The following MYO10 variants were observed in gnomAD, a reference collection of about 807,000 sequenced individuals.
The protein encoded by MYO10 is unconventional myosin-X.
MYO10 carries 133 observed loss-of-function variants against 257.3 expected under a neutral mutation model. The ratio of observed to expected loss-of-function variants is 0.52; its 90% CI spans 0.45 to 0.60. The LOEUF (loss-of-function observed/expected upper bound fraction) is 0.60, where lower values mean the gene tolerates loss of function less well. MYO10 is among the 20% of genes least tolerant of loss of function. MYO10 has a pLI of 0.00. For missense variants in MYO10, 2,399 were observed against 2,635.7 expected (o/e 0.91, Z 1.97); for synonymous variants, 1,104 against 1,028.6 (o/e 1.07, Z -1.40).
intron 3 of MYO10, among the ~76,000 whole-genome samples, chr5:16,801,629 A>G (rs1742123961): frequency 6.6e-6 from 1 of 152,214 alleles, no homozygotes; most frequent in Admixed American, 6.5e-5. Context: ...AAAAATTCAT[A>G]CTCTACAAAA....
At chr5:16,684,171 T>A (rs1445120667) in intron 29 of MYO10, among the ~76,000 whole-genome samples, 1 of 152,244 alleles carries the variant, frequency 6.6e-6, no homozygotes, top group Admixed American at 6.5e-5. Context: ...TCATTACCTC[T>A]TAACCTTTCA....
rs1560988188 is a variant in MYO10, at chr5:16,794,388, A to ATTTT, written c.467+257_467+258insAAAA. ...AAGGCAAATAAATGTTGCTTTAAAA[A>ATTTT]AAAAAAAAAAAAAAAGGAACAGAAT... On this transcript the variant is annotated intron_variant, in intron 4 of 40. Transcript: ENST00000513610. Among the ~76,000 whole-genome samples, 26 of 149,454 alleles carry ATTTT rather than the reference A, an allele frequency of 1.7e-4. 1 individual carries two copies. The East Asian group carries it at 5.0e-3, about 29-fold the overall frequency.
Position 16,769,208 on chromosome 5 carries a change from A to C in MYO10, c.931-5T>G, listed in dbSNP as rs1245808019. 2 of 1,593,540 alleles carry C rather than the reference A, an allele frequency of 1.3e-6. No individual in the cohort carries two copies. The highest frequency in any genetic ancestry group is 1.7e-6 in the Non-Finnish European group (2 of 1,173,000). ...CTGCATCACGTCCATTGCCGTCTAG[A>C]AGAAAATAAATGTATTTAATTTTAT... On this transcript the variant is annotated splice_region_variant and splice_polypyrimidine_tract_variant and intron_variant, in intron 9 of 40. Coordinates refer to ENST00000513610, the MANE Select transcript of MYO10 (RefSeq NM_012334.3).
At chr5:16,695,152 G>A (rs1453947408) in intron 26 of MYO10, among the ~76,000 whole-genome samples, 2 of 152,094 alleles carry the variant, frequency 1.3e-5, no homozygotes, top group Admixed American at 1.3e-4. Context: ...TGGCCAACAC[G>A]GTAAAACCCT....
intron 28 of MYO10, among the ~76,000 whole-genome samples, chr5:16,687,003 T>G (rs1737282957): frequency 6.6e-6 from 1 of 151,938 alleles, no homozygotes; most frequent in Non-Finnish European, 1.5e-5. Flanking sequence ...TACTCTCACA[T>G]CCAACCTCAT....
intron 2 of MYO10, among the ~76,000 whole-genome samples, chr5:16,857,048 A>G (rs1196009958): frequency 6.6e-6 from 1 of 152,232 alleles, no homozygotes; most frequent in Non-Finnish European, 1.5e-5. Context: ...TAGGCATTAT[A>G]TGTGTCAATT....
intron 3 of MYO10, among the ~76,000 whole-genome samples, chr5:16,813,140 G>A (rs76830301): frequency 6.6e-6 from 1 of 152,036 alleles, no homozygotes; most frequent in African/African-American, 2.4e-5. Context: ...TGACAGCTCA[G>A]AACAGAAAGT....
At chr5:16,742,480 C>T (rs16869073) in intron 19 of MYO10, among the ~76,000 whole-genome samples, 15,062 of 152,106 alleles carry the variant, frequency 0.099, 2,486 homozygotes, top group African/African-American at 0.34. Context: ...AATGGGTGCT[C>T]CAGGTGCAGG....
At chr5:16,871,198 G>C (rs17707888) in intron 2 of MYO10, among the ~76,000 whole-genome samples, 9,399 of 152,114 alleles carry the variant, frequency 0.062, 352 homozygotes, top group South Asian at 0.17. Context: ...CCTCCTCTCA[G>C]AAATACCAAT....
chr5:16,694,376 C>T lies in MYO10; in HGVS notation c.3795G>A (p.Thr1265=), dbSNP rs994879966. The T allele has an allele frequency of 3.7e-6, 6 of 1,614,002 alleles. No homozygotes were observed. The highest frequency in any genetic ancestry group is 1.7e-4 in the Middle Eastern group (1 of 6,060). The part of the protein sequence containing the change: ...EKLKGTVEVR[T]AKEIIDNTTK... ...AGCCAGGCTTAGCAACCTACTTTGC[C>T]GTTCGCACTTCTACGGTGCCCTTGA... is the stretch of plus-strand genomic sequence containing the variant. Residue 1265 remains threonine (T), a synonymous_variant, in exon 27 of 41, where the codon ACG becomes ACA. Coordinates refer to ENST00000513610, the MANE Select transcript of MYO10 (RefSeq NM_012334.3).
intron 2 of MYO10, among the ~76,000 whole-genome samples, chr5:16,866,297 C>G (rs1161738920): frequency 6.6e-6 from 1 of 152,146 alleles, no homozygotes; most frequent in Non-Finnish European, 1.5e-5. Flanking sequence ...CGCTTTGCCT[C>G]TCAACTGGAC....
intron 2 of MYO10, among the ~76,000 whole-genome samples, chr5:16,819,646 A>C (rs1742739520): frequency 6.6e-6 from 1 of 152,126 alleles, no homozygotes; most frequent in South Asian, 2.1e-4. Flanking sequence ...ACACAAAACA[A>C]TTTTCTGCAA....
chr5:16,804,180 C>T (rs1742202801), intron 3 of MYO10, among the ~76,000 whole-genome samples: 1 of 152,242 alleles, frequency 6.6e-6, no homozygotes, highest in South Asian at 2.1e-4. Context: ...ATCACCATGG[C>T]TGACGTCTCC....
At chr5:16,722,438 CTAATA>C (rs1739188272) in intron 19 of MYO10, among the ~76,000 whole-genome samples, 1 of 152,306 alleles carries the variant, frequency 6.6e-6, no homozygotes, top group African/African-American at 2.4e-5. Context: ...ACAGCTGTTT[CTAATA>C]TATTTGTTTA....
intron 10 of MYO10, among the ~76,000 whole-genome samples, chr5:16,768,503 C>G (rs1041163277): frequency 1.3e-5 from 2 of 152,050 alleles, no homozygotes; most frequent in Admixed American, 1.3e-4. Context: ...TTTCCACGTA[C>G]TTGACTCATT....
chr5:16,702,013 C>T (rs1031566112), intron 24 of MYO10, among the ~76,000 whole-genome samples, 175 bp from the exon 25 acceptor site: 1 of 152,172 alleles, frequency 6.6e-6, no homozygotes, highest in Non-Finnish European at 1.5e-5. Flanking sequence ...TTTGGAGATA[C>T]AGCTTTTAAA....
intron 21 of MYO10, among the ~76,000 whole-genome samples, chr5:16,705,289 T>C (rs1160128135): frequency 1.3e-5 from 2 of 152,230 alleles, no homozygotes; most frequent in African/African-American, 4.8e-5. Flanking sequence ...ACTGAATTAT[T>C]TCAGCTACAT....
chr5:16,920,758 G>A (rs13178744), intron 1 of MYO10, among the ~76,000 whole-genome samples: 10,566 of 152,294 alleles, frequency 0.069, 436 homozygotes, highest in African/African-American at 0.11. Context: ...GGGAATGGCA[G>A]GTACACAGAA....
chr5:16,893,195 T>G (rs1172967881), intron 1 of MYO10, among the ~76,000 whole-genome samples: 1 of 11,538 alleles, frequency 8.7e-5, no homozygotes, highest in African/African-American at 3.4e-4. Flanking sequence ...AGACTCTGTC[T>G]CAAAAAAAAA....
Sources: allele counts gnomAD v4.1 joint callset (sites outside exome capture counted in the v4.1 genomes callset), GRCh38; gene constraint gnomAD v4.1.1; transcripts MANE v1.5; gene names NCBI Gene and HGNC (gene_info 2026-07-23, HGNC 2026-07-21).